Variants in EMILIN2 observed in about 807,000 individuals in gnomAD.
EMILIN2 encodes the protein elastin microfibril interfacer 2.
Under a neutral mutation model 87.1 loss-of-function variants are expected in EMILIN2, and 71 were observed. The observed-to-expected ratio is 0.82, with a 90% CI of 0.67 to 0.99. The LOEUF (loss-of-function observed/expected upper bound fraction) is 0.99. Ranked by LOEUF, EMILIN2 falls within the 50% of genes least tolerant of loss-of-function variation. EMILIN2 has a pLI of 0.00. For synonymous variants in EMILIN2, 581 were observed against 563.4 expected, an observed-to-expected ratio of 1.03 and a Z score of -0.44; for missense variants, 1,407 against 1,371.8, an observed-to-expected ratio of 1.03 and a Z score of -0.40.
At chr18:2,864,751 T>G (rs1195772067) in intron 2 of EMILIN2, among the ~76,000 whole-genome samples, 1 of 152,188 alleles carries the variant, frequency 6.6e-6, no homozygotes, top group Non-Finnish European at 1.5e-5. Flanking sequence ...TTCCTGAATT[T>G]GAATGTTGGC....
chr18:2,850,061 G>C (rs2076594521), intron 2 of EMILIN2, among the ~76,000 whole-genome samples: 2 of 151,644 alleles, frequency 1.3e-5, no homozygotes, highest in African/African-American at 4.9e-5. Flanking sequence ...CGAGTAGCTG[G>C]GACTACAGGT....
intron 4 of EMILIN2, among the ~76,000 whole-genome samples, chr18:2,896,496 C>T (rs2076864366): frequency 6.6e-6 from 1 of 152,000 alleles, no homozygotes; most frequent in Admixed American, 6.6e-5. Context: ...ATATTTGAGA[C>T]AGGATCTTGC....
intron 4 of EMILIN2, among the ~76,000 whole-genome samples, chr18:2,903,021 G>A (rs144657454): frequency 1.0e-3 from 154 of 152,260 alleles, no homozygotes; most frequent in East Asian, 5.2e-3. Context: ...CTAACTTATC[G>A]AGGGTTGAAG....
chr18:2,885,097 C>G lies in EMILIN2; in HGVS notation c.391C>G (p.Pro131Ala). 1 of 1,612,306 alleles carries G rather than the reference C, an allele frequency of 6.2e-7. No individual in the cohort carries two copies. The highest frequency in any genetic ancestry group is 8.5e-7 in the Non-Finnish European group (1 of 1,179,352). ...GPKDPVKTLR[P>A]TPARPRNSLK... ...CAAAGACCCCGTGAAGACCCTCCGC[C>G]CCACGCCGGCTCGGCCTCGAAACAG... Residue 131 changes from proline (P) to alanine (A), a missense_variant, in exon 3 of 8, where the codon CCC becomes GCC. Pro to Ala is a conservative substitution (Grantham distance 27, BLOSUM62 -1). Coordinates refer to ENST00000254528, the MANE Select transcript of EMILIN2 (RefSeq NM_032048.3).
At chr18:2,904,073 G>A (rs1175141479) in intron 4 of EMILIN2, among the ~76,000 whole-genome samples, 2 of 152,104 alleles carry the variant, frequency 1.3e-5, no homozygotes, top group Non-Finnish European at 2.9e-5. Context: ...TTCTACTCTT[G>A]TAATTGATGG....
intron 2 of EMILIN2, among the ~76,000 whole-genome samples, chr18:2,853,962 A>G (rs967044627): frequency 9.9e-5 from 15 of 152,166 alleles, no homozygotes; most frequent in African/African-American, 3.1e-4. Context: ...TCATGCTTCC[A>G]AATTGTCCCA....
intron 2 of EMILIN2, among the ~76,000 whole-genome samples, chr18:2,870,078 C>T (rs2076712082): frequency 1.3e-5 from 2 of 151,716 alleles, no homozygotes; most frequent in Admixed American, 1.3e-4. Context: ...CAGTCTCTAC[C>T]AAAAATACAA....
chr18:2,885,032 G>A lies in EMILIN2; in HGVS notation c.326G>A (p.Cys109Tyr). Residue 109 changes from cysteine (C) to tyrosine (Y), a missense_variant, in exon 3 of 8, where the codon TGC becomes TAC. Transcript: ENST00000254528. Reference protein sequence around the residue: ...YKTVTQLEWRCCPGFRGGDCQ... With the variant: ...YKTVTQLEWRYCPGFRGGDCQ... ...ACAGTGACACAGTTGGAATGGAGGT[G>A]CTGTCCTGGCTTTAGAGGGGGAGAT... The A allele has an allele frequency of 6.2e-7, 1 of 1,613,896 alleles. No homozygotes were observed. Among genetic ancestry groups the A allele is most frequent in the East Asian group, 2.2e-5 (1 of 44,874 alleles).
At chr18:2,859,725 C>G (rs889747466) in intron 2 of EMILIN2, among the ~76,000 whole-genome samples, 1 of 152,190 alleles carries the variant, frequency 6.6e-6, no homozygotes, top group Non-Finnish European at 1.5e-5. Flanking sequence ...AGTCCTTGAT[C>G]CATCTTGAGT....
Position 2,890,195 on chromosome 18 carries a change from G to A in EMILIN2, c.434-366G>A, listed in dbSNP as rs1025137260. ...GGGAATGAAGTGTTCATATGATAAA[G>A]CGGATAATGAATATTTCCCCTCAGG... On this transcript the variant is annotated intron_variant, in intron 3 of 7. Transcript: ENST00000254528. This position sits in a 1 kb window ranked among gnomAD's most constrained non-coding sequence, Gnocchi z 4.7. 2.0e-5 allele frequency among the ~76,000 whole-genome samples: 3 copies of A among 152,172 alleles called. No individual in the cohort carries two copies. The highest frequency in any genetic ancestry group is 6.5e-5 in the Admixed American group (1 of 15,278).
chr18:2,877,201 T>C (rs576895166), intron 2 of EMILIN2, among the ~76,000 whole-genome samples: 1 of 152,218 alleles, frequency 6.6e-6, no homozygotes, highest in Non-Finnish European at 1.5e-5. Context: ...TGGTTTCAAA[T>C]GGCCAATTTT....
intron 2 of EMILIN2, among the ~76,000 whole-genome samples, chr18:2,873,503 C>T (rs1035252082): frequency 3.3e-5 from 5 of 151,830 alleles, no homozygotes; most frequent in South Asian, 2.1e-4. Flanking sequence ...GTCAGGAGAT[C>T]GAGACCATCC....
chr18:2,882,295 T>G (rs866993590), intron 2 of EMILIN2, among the ~76,000 whole-genome samples: 29 of 152,324 alleles, frequency 1.9e-4, no homozygotes, highest in African/African-American at 6.3e-4. Context: ...CTCTTCAGTT[T>G]TCCTTGGAAA....
At chr18:2,896,238 T>G (rs1013232985) in intron 4 of EMILIN2, among the ~76,000 whole-genome samples, 30 of 152,088 alleles carry the variant, frequency 2.0e-4, no homozygotes, top group African/African-American at 6.8e-4. Flanking sequence ...TGCAGTGGCG[T>G]GATCTTGGCT....
intron 2 of EMILIN2, among the ~76,000 whole-genome samples, chr18:2,873,059 AAAC>A (rs1568462807): frequency 4.2e-5 from 6 of 143,492 alleles, no homozygotes; most frequent in South Asian, 2.2e-4. Context: ...TAAAAAAAAA[AAAC>A]AAAACCAAAA....
At chr18:2,881,639 C>T (rs1168436113) in intron 2 of EMILIN2, among the ~76,000 whole-genome samples, 1 of 152,220 alleles carries the variant, frequency 6.6e-6, no homozygotes. Flanking sequence ...CTGGCTCAGC[C>T]TCCTCTGAGA....
chr18:2,911,275 A>ACC (rs2076939592), intron 7 of EMILIN2, among the ~76,000 whole-genome samples: 1 of 152,098 alleles, frequency 6.6e-6, no homozygotes, highest in Admixed American at 6.5e-5. Context: ...ACAGGGGCCT[A>ACC]CCAGTGCCTA....
intron 2 of EMILIN2, among the ~76,000 whole-genome samples, chr18:2,874,037 C>A (rs1367951283): frequency 1.3e-5 from 2 of 152,162 alleles, no homozygotes; most frequent in Non-Finnish European, 1.5e-5. Context: ...ACACAAATGA[C>A]TTAAAGGACA....
At position 2,891,254 on chromosome 18, in the gene EMILIN2, T is replaced by C. The variant is rs367687734; in HGVS notation, c.1127T>C (p.Leu376Pro). The stretch of plus-strand genomic sequence containing the variant: ...CTCATAGGGGAGAAGGAAACAAGCC[T>C]GAGAAAAGAAATAAATAACCTCCGA... ...IELIGEKETS[L>P]RKEINNLRAR... is the part of the protein sequence containing the mutation. Residue 376 changes from leucine (L) to proline (P), a missense_variant, in exon 4 of 8, where the codon CTG becomes CCG. Physicochemically the swap from Leu to Pro is moderately conservative, Grantham distance 98. Coordinates refer to ENST00000254528, the MANE Select transcript of EMILIN2 (RefSeq NM_032048.3). The surrounding 1 kb of genome is among the most constrained non-coding windows in gnomAD (Gnocchi z 4.6). The C allele has an allele frequency of 1.9e-6, 3 of 1,613,924 alleles. No individual in the cohort carries two copies. Among genetic ancestry groups the C allele is most frequent in the African/African-American group, 2.7e-5 (2 of 74,872 alleles).
Sources: gnomAD v4.1 joint callset for allele counts (sites outside exome capture counted in the v4.1 genomes callset) on GRCh38, gnomAD v4.1.1 for gene constraint, Gnocchi (gnomAD v3.1) non-coding constraint, MANE v1.5 for transcripts, NCBI Gene and HGNC (gene_info 2026-07-23, HGNC 2026-07-21) for gene names.